The following PNISR variants were observed in gnomAD, a reference collection of about 807,000 sequenced individuals.
PNISR encodes PNN interacting serine and arginine rich protein.
A neutral mutation model predicts 93.4 loss-of-function variants in PNISR; 20 were observed. That is an observed-to-expected ratio of 0.21 (90% CI 0.15 to 0.31). PNISR has a LOEUF of 0.31. PNISR is among the 10% of genes least tolerant of loss of function. The pLI, the probability that PNISR is intolerant of heterozygous loss-of-function variation, is 1.00. For synonymous variants in PNISR, 305 were observed against 306.5 expected (o/e 0.99, Z 0.05); for missense variants, 893 against 985.4 (o/e 0.91, Z 1.25).
In PNISR at chr6:99,400,794, A is replaced by G; in HGVS notation, c.2164T>C (p.Ser722Pro). ...KRKRESERTF[S>P]RSGSISVKII... is the part of the protein sequence containing the mutation. The stretch of plus-strand genomic sequence containing the variant: ...TTAACAGATATAGAACCACTCCTAG[A>G]AAATGTTCTTTCACTTTCTCGTTTC... The change falls in exon 12 of 12, where the codon TCT (serine) becomes CCT (proline). Residue 722 changes from serine to proline, a missense_variant. Around this residue, in one of 3 missense-constraint regions of PNISR, gnomAD observed 866 missense variants for 935.1 expected, o/e 0.93. Transcript: ENST00000369239. The G allele has an allele frequency of 6.2e-7, 1 of 1,612,340 alleles. No homozygotes were observed.
intron 1 of PNISR, among the ~76,000 whole-genome samples, chr6:99,420,795 A>T (rs951470819): frequency 2.6e-5 from 4 of 152,226 alleles, no homozygotes; most frequent in Admixed American, 6.5e-5. Flanking sequence ...CTTTCATTTA[A>T]TAAGTTAAAG....
intron 8 of PNISR, among the ~76,000 whole-genome samples, chr6:99,405,746 A>G (rs113741498): frequency 2.0e-5 from 3 of 151,878 alleles, no homozygotes; most frequent in African/African-American, 7.3e-5. Flanking sequence ...TTGTAGAGAC[A>G]AGGTCTCACT....
chr6:99,409,498 A>C, intron 5 of PNISR, 154 bp from the exon 6 acceptor site: 1 of 619,292 alleles, frequency 1.6e-6, no homozygotes, highest in Non-Finnish European at 2.7e-6. Flanking sequence ...CTATGGTCCC[A>C]AGAACCTAGG....
intron 1 of PNISR, among the ~76,000 whole-genome samples, chr6:99,424,411 T>A (rs1178555601): frequency 1.3e-5 from 2 of 148,264 alleles, no homozygotes; most frequent in Admixed American, 6.7e-5. Context: ...ATTAGTAAGT[T>A]AAAAAAAAAA....
rs1385561287 is a variant in PNISR, at chr6:99,401,136, G to A, written c.1822C>T (p.Arg608Ter). 1.9e-6 allele frequency: 3 copies of A among 1,609,040 alleles called. No homozygotes were observed. The highest frequency in any genetic ancestry group is 1.7e-6 in the Non-Finnish European group (2 of 1,175,910). Residue 608 changes from arginine (R) to a stop codon, truncating the protein, a stop_gained, in exon 12 of 12, where the codon CGA becomes TGA. Transcript: ENST00000369239. LOFTEE classifies it high-confidence loss of function. ...NRNSIERERR[R>*]NRSPSRERRR... is the part of the protein sequence containing the mutation. ...CTCTCTCGGGAAGGACTCCGATTTC[G>A]TCGTCTTTCTCTTTCAATGCTATTT...
At chr6:99,404,032 G>C in intron 9 of PNISR, 150 bp from the exon 10 acceptor site, 1 of 593,574 alleles carries the variant, frequency 1.7e-6, no homozygotes, top group South Asian at 2.2e-5. Flanking sequence ...TTTTAAACCA[G>C]TATCATGTCT....
At chr6:99,420,948 G>T (rs1778476176) in intron 1 of PNISR, among the ~76,000 whole-genome samples, 1 of 152,112 alleles carries the variant, frequency 6.6e-6, no homozygotes, top group Admixed American at 6.5e-5. Flanking sequence ...CATGTTAAGT[G>T]GTTAAATATT....
chr6:99,403,394 G>A (rs1396089157), intron 10 of PNISR: 1 of 152,492 alleles, frequency 6.6e-6, no homozygotes, highest in Non-Finnish European at 1.5e-5. Flanking sequence ...ATTAAAACTT[G>A]ACTTGCCGCA....
Position 99,402,716 on chromosome 6 carries a change from T to C in PNISR, c.1157-6A>G. The stretch of plus-strand genomic sequence containing the variant: ...TCCATAACCACCCAGTCCACCTGTG[T>C]GCATAAAGCTCAGTCTATCATATGA... On this transcript the variant is annotated splice_region_variant and splice_polypyrimidine_tract_variant and intron_variant, in intron 10 of 11. Coordinates refer to ENST00000369239, the MANE Select transcript of PNISR (RefSeq NM_032870.4). The C allele has an allele frequency of 6.5e-7, 1 of 1,549,128 alleles. No individual in the cohort carries two copies. The highest frequency in any genetic ancestry group is 8.8e-7 in the Non-Finnish European group (1 of 1,141,344).
rs1285794432 is a variant in PNISR, at chr6:99,398,101, T to C, written c.*2439A>G. 4 of 152,186 alleles carry C rather than the reference T, an allele frequency of 2.6e-5. No homozygotes were observed. Among genetic ancestry groups the C allele is most frequent in the African/African-American group, 9.6e-5 (4 of 41,458 alleles). The allele number at this position is 152,186 out of a possible 1,614,324, so 9.4% of individuals were successfully genotyped here. ...ATTTTGGGGCCTGAAACAAATCTTATAATCACCTCTTTCAAATTACATTTT... is the reference window on the plus strand; with the variant it reads ...ATTTTGGGGCCTGAAACAAATCTTACAATCACCTCTTTCAAATTACATTTT... On this transcript the variant is annotated 3_prime_UTR_variant, in exon 12 of 12. Transcript: ENST00000369239.
Position 99,401,560 on chromosome 6 carries a change from T to A in PNISR, c.1398A>T (p.Leu466Phe), listed in dbSNP as rs962945751. ...CTGCTTCTCTTGCTTCTAGTAGTGA[T>A]AAACTATTTTGCTCTTTATGGATAA... is the stretch of plus-strand genomic sequence containing the variant. ...NEFIHKEQNS[L>F]SLLEAREADG... The change falls in exon 12 of 12, where the codon TTA becomes TTT. Residue 466 changes from leucine to phenylalanine, a missense_variant. Leu to Phe is a conservative substitution (Grantham distance 22). Coordinates refer to ENST00000369239, the MANE Select transcript of PNISR (RefSeq NM_032870.4). 2.5e-6 allele frequency: 4 copies of A among 1,600,888 alleles called. No homozygotes were observed. Among genetic ancestry groups the A allele is most frequent in the Non-Finnish European group, 3.4e-6 (4 of 1,176,680 alleles).
chr6:99,420,670 CAT>C (rs960890675), intron 1 of PNISR, among the ~76,000 whole-genome samples: 1 of 152,116 alleles, frequency 6.6e-6, no homozygotes, highest in African/African-American at 2.4e-5. Flanking sequence ...AACAAAATAA[CAT>C]AACGTTGTAC....
intron 1 of PNISR, among the ~76,000 whole-genome samples, chr6:99,416,997 T>C (rs1189005703): frequency 6.6e-6 from 1 of 152,186 alleles, no homozygotes; most frequent in Non-Finnish European, 1.5e-5. Flanking sequence ...AAATAATCAG[T>C]GTCTAGCTAT....
intron 4 of PNISR, among the ~76,000 whole-genome samples, chr6:99,411,317 C>T (rs1004345991): frequency 3.0e-4 from 45 of 152,048 alleles, no homozygotes; most frequent in Non-Finnish European, 2.2e-4. Context: ...CTTTCTTACA[C>T]GAACACATTT....
At chr6:99,407,165 CAAA>C (rs1466025689) in intron 7 of PNISR, among the ~76,000 whole-genome samples, 1 of 151,678 alleles carries the variant, frequency 6.6e-6, no homozygotes, top group Non-Finnish European at 1.5e-5. Context: ...ACGAAAAATA[CAAA>C]AATTAGGTGG....
At position 99,410,849 on chromosome 6, in the gene PNISR, A is replaced by G; in HGVS notation, c.393T>C (p.Ser131=). The change falls in exon 5 of 12, where the codon AGT becomes AGC. Residue 131 remains serine, a synonymous_variant. Coordinates refer to ENST00000369239, the MANE Select transcript of PNISR (RefSeq NM_032870.4). ...GCCTGTTGTCAGGGGCAAATTCCCC[A>G]CTGTCCTGACTGTTGCTGTCTTCAG... ...PPSEDSNSQD[S]GEFAPDNRHI... is the part of the protein sequence containing the mutation. 1 of 1,614,066 alleles carries G rather than the reference A, an allele frequency of 6.2e-7. No homozygotes were observed. Among genetic ancestry groups the G allele is most frequent in the Non-Finnish European group, 8.5e-7 (1 of 1,179,952 alleles).
chr6:99,421,608 C>T (rs1029313881), intron 1 of PNISR, among the ~76,000 whole-genome samples: 1 of 152,076 alleles, frequency 6.6e-6, no homozygotes, highest in African/African-American at 2.4e-5. Flanking sequence ...CTACCAAAAG[C>T]TAGGAAGAGA....
intron 1 of PNISR, among the ~76,000 whole-genome samples, chr6:99,418,807 T>A (rs1440731738): frequency 6.6e-6 from 1 of 152,156 alleles, no homozygotes; most frequent in East Asian, 1.9e-4. Flanking sequence ...AGAGGATGAC[T>A]ACTGGATGAG....
intron 5 of PNISR, 65 bp downstream of exon 5, chr6:99,410,676 G>A (rs1162399601): frequency 1.4e-5 from 16 of 1,150,150 alleles, no homozygotes; most frequent in Non-Finnish European, 1.9e-5. Context: ...TATTCTTGAT[G>A]AGACACTTCC....
Sources: gnomAD v4.1 joint callset for allele counts (sites outside exome capture counted in the v4.1 genomes callset) on GRCh38, gnomAD v4.1.1 for gene constraint, gnomAD v4.1.1 regional missense constraint, MANE v1.5 for transcripts, NCBI Gene and HGNC (gene_info 2026-07-23, HGNC 2026-07-21) for gene names.